The following NISCH variants were observed in gnomAD, a reference collection of about 807,000 sequenced individuals.
NISCH encodes the protein nischarin.
In NISCH, 55 loss-of-function variants were observed where a neutral mutation model predicts 138.4. The observed-to-expected ratio is 0.40, with a 90% CI of 0.32 to 0.50. The LOEUF (loss-of-function observed/expected upper bound fraction) is 0.50, where lower values mean the gene tolerates loss of function less well. Ranked by LOEUF, NISCH falls within the 20% of genes least tolerant of loss-of-function variation. NISCH has a pLI of 0.71. For synonymous variants in NISCH, 860 were observed against 861.5 expected (o/e 1.00, Z 0.03); for missense variants, 1,643 against 2,005.5 (o/e 0.82, Z 3.45).
chr3:52,491,768 G>A, intron 20 of NISCH, 104 bp from the exon 21 acceptor site: 1 of 1,407,420 alleles, frequency 7.1e-7, no homozygotes, highest in Non-Finnish European at 9.6e-7. Context: ...ATCCTCTCCT[G>A]CCTGTCTCAT....
intron 7 of NISCH, among the ~76,000 whole-genome samples, chr3:52,475,431 T>C (rs910539331): frequency 2.0e-5 from 3 of 152,222 alleles, no homozygotes; most frequent in African/African-American, 7.2e-5. Context: ...ACTTTATTCC[T>C]GTGAAATAAT....
At chr3:52,476,409 G>T (rs1439594578) in intron 7 of NISCH, 38 bp from the exon 8 acceptor site, 13 of 1,607,910 alleles carry the variant, frequency 8.1e-6, no homozygotes, top group Non-Finnish European at 1.0e-5. Context: ...TTGCGTGAGG[G>T]CCCGAGTGTG....
chr3:52,487,184 C>G lies in NISCH; in HGVS notation c.1704-12C>G, dbSNP rs545551809. 1 of 1,609,428 alleles carries G rather than the reference C, an allele frequency of 6.2e-7. No homozygotes were observed. Among genetic ancestry groups the G allele is most frequent in the Non-Finnish European group, 8.5e-7 (1 of 1,177,368 alleles). On this transcript the variant is annotated splice_polypyrimidine_tract_variant and intron_variant, in intron 15 of 20. Coordinates refer to ENST00000345716, the MANE Select transcript of NISCH (RefSeq NM_007184.4). The surrounding 1 kb of genome is among the most constrained non-coding windows in gnomAD (Gnocchi z 9.1). ...TCCCAGCATGCCACTGACCTGGCCT[C>G]TCCCTGCACAGCCCAGAACATGCCG...
At chr3:52,473,417 T>C (rs559447526) in intron 6 of NISCH, among the ~76,000 whole-genome samples, 1 of 152,138 alleles carries the variant, frequency 6.6e-6, no homozygotes, top group Non-Finnish European at 1.5e-5. Context: ...AGGCCCCTTG[T>C]TCTCCCCAGC....
intron 13 of NISCH, 149 bp downstream of exon 13, chr3:52,480,444 C>CG (rs1559636629): frequency 1.9e-6 from 3 of 1,540,684 alleles, no homozygotes; most frequent in South Asian, 1.2e-5. Flanking sequence ...CTGGTCCTCG[C>CG]GGGGGGACAC....
At chr3:52,480,935 C>T (rs1381659978) in intron 13 of NISCH, 1 of 1,530,040 alleles carries the variant, frequency 6.5e-7, no homozygotes, top group Non-Finnish European at 8.7e-7. Flanking sequence ...GCTGGCCCGG[C>T]CCCCACGGAA....
chr3:52,490,745 T>C lies in NISCH; in HGVS notation c.3654T>C (p.Pro1218=). The C allele has an allele frequency of 1.2e-6, 2 of 1,614,174 alleles. No homozygotes were observed. The highest frequency in any genetic ancestry group is 8.5e-7 in the Non-Finnish European group (1 of 1,180,014). The stretch of plus-strand genomic sequence containing the variant: ...AAAACACCGACTACAACAACAGCCC[T>C]TTCCACATCTCCCAGTGCTTCGTGC... ...HQKNTDYNNS[P]FHISQCFVLK... is the part of the protein sequence containing the mutation. Residue 1218 remains proline, a synonymous_variant, in exon 19 of 21, where the codon CCT becomes CCC. Transcript: ENST00000345716.
At position 52,488,387 on chromosome 3, in the gene NISCH, C is replaced by G. The variant is rs1707467498; in HGVS notation, c.2895C>G (p.Ala965=). 3 of 1,613,856 alleles carry G rather than the reference C, an allele frequency of 1.9e-6. No homozygotes were observed. The highest frequency in any genetic ancestry group is 3.3e-5 in the Admixed American group (2 of 60,034). The stretch of plus-strand genomic sequence containing the variant: ...GCAGCTGTACCCAGCCTCGGGGCGC[C>G]TTTGCTGATGGCCACGTGCTAGAGC... ...PTRSCTQPRG[A]FADGHVLELL... The change falls in exon 16 of 21, where the codon GCC becomes GCG. Residue 965 remains alanine, a synonymous_variant. Transcript: ENST00000345716.
intron 10 of NISCH, 21 bp from the exon 11 acceptor site, chr3:52,478,428 G>A (rs1216102688): frequency 3.1e-6 from 5 of 1,614,222 alleles, no homozygotes; most frequent in Non-Finnish European, 4.2e-6. Context: ...GACCAAAGGG[G>A]ATGGAACTCA....
intron 17 of NISCH, 110 bp downstream of exon 17, chr3:52,489,788 C>A: frequency 4.0e-6 from 6 of 1,482,476 alleles, no homozygotes; most frequent in Non-Finnish European, 5.4e-6. Flanking sequence ...TGTCGGAGTC[C>A]TCAGCTGAGC....
intron 7 of NISCH, among the ~76,000 whole-genome samples, chr3:52,475,250 G>C (rs1707067489): frequency 6.6e-6 from 1 of 151,916 alleles, no homozygotes; most frequent in Non-Finnish European, 1.5e-5. Flanking sequence ...GGCTTGCAGA[G>C]AGTGTGTTGG....
intron 9 of NISCH, 139 bp from the exon 10 acceptor site, chr3:52,477,958 C>G (rs770718542): frequency 1.6e-5 from 14 of 899,502 alleles, no homozygotes; most frequent in Non-Finnish European, 2.4e-5. Context: ...AGAGGGACTT[C>G]CCTTCCTAAA....
Position 52,472,286 on chromosome 3 carries a change from C to T in NISCH, c.574-17C>T, listed in dbSNP as rs772170409. 1.1e-5 allele frequency: 17 copies of T among 1,612,552 alleles called. No individual in the cohort carries two copies. The highest frequency in any genetic ancestry group is 1.7e-6 in the Non-Finnish European group (2 of 1,178,854). On this transcript the variant is annotated splice_polypyrimidine_tract_variant and intron_variant, in intron 5 of 20. Coordinates refer to ENST00000345716, the MANE Select transcript of NISCH (RefSeq NM_007184.4). ...ATGCGACACTGTTCCCAATTTAAGCCTTATCTTTGGCTTCAGGTTTCTGGC... is the reference window on the plus strand; with the variant it reads ...ATGCGACACTGTTCCCAATTTAAGCTTTATCTTTGGCTTCAGGTTTCTGGC...
At chr3:52,475,350 A>G (rs1401379291) in intron 7 of NISCH, among the ~76,000 whole-genome samples, 2 of 152,206 alleles carry the variant, frequency 1.3e-5, no homozygotes, top group Non-Finnish European at 2.9e-5. Context: ...TGTCAAAACA[A>G]ATAGGCCTGC....
chr3:52,476,536 T>C lies in NISCH; in HGVS notation c.855T>C (p.Thr285=). 2 of 1,614,118 alleles carry C rather than the reference T, an allele frequency of 1.2e-6. No homozygotes were observed. The highest frequency in any genetic ancestry group is 1.7e-6 in the Non-Finnish European group (2 of 1,179,998). The change falls in exon 8 of 21, where the codon ACT becomes ACC. Residue 285 remains threonine, a synonymous_variant. Coordinates refer to ENST00000345716, the MANE Select transcript of NISCH (RefSeq NM_007184.4). The stretch of plus-strand genomic sequence containing the variant: ...GCCCTGTGACTGCCGTCATCCCCAC[T>C]TGGCAGGCATTGACCACGCTTGACC... ...LEGPVTAVIP[T]WQALTTLDLS... is the part of the protein sequence containing the mutation.
intron 20 of NISCH, 32 bp downstream of exon 20, chr3:52,491,545 C>A: frequency 6.3e-7 from 1 of 1,588,688 alleles, no homozygotes; most frequent in Non-Finnish European, 8.6e-7. Context: ...TGCAGACAGG[C>A]TGCCTGGACA....
chr3:52,458,889 C>T (rs1559621383), intron 3 of NISCH, 45 bp downstream of exon 3: 1 of 1,531,656 alleles, frequency 6.5e-7, no homozygotes, highest in Non-Finnish European at 8.8e-7. Context: ...AAACCCACAA[C>T]TGCCAAACTT....
chr3:52,480,590 T>C, intron 13 of NISCH: 2 of 1,435,636 alleles, frequency 1.4e-6, no homozygotes, highest in Non-Finnish European at 1.8e-6. Context: ...CTGAACAGGC[T>C]CGGGGCTGTT....
At chr3:52,477,499 C>T (rs1372527812) in intron 8 of NISCH, 75 bp from the exon 9 acceptor site, 6 of 1,280,404 alleles carry the variant, frequency 4.7e-6, no homozygotes, top group Non-Finnish European at 6.8e-6. Flanking sequence ...CCTGGGGTGC[C>T]CGTCCACTGT....
Sources: allele counts gnomAD v4.1 joint callset (sites outside exome capture counted in the v4.1 genomes callset), GRCh38; gene constraint gnomAD v4.1.1; non-coding constraint Gnocchi (gnomAD v3.1); transcripts MANE v1.5; gene names NCBI Gene and HGNC (gene_info 2026-07-23, HGNC 2026-07-21).